CYB5A: variants seen among roughly 807,000 people sequenced by gnomAD.
The protein encoded by CYB5A is cytochrome b5 type A.
In CYB5A, 10 loss-of-function variants were observed where a neutral mutation model predicts 16.2. The ratio of observed to expected loss-of-function variants is 0.62; its 90% CI spans 0.38 to 1.04. The LOEUF (loss-of-function observed/expected upper bound fraction) is 1.04. CYB5A is among the 50% of genes least tolerant of loss of function. The pLI is 0.01. For missense variants in CYB5A, 161 were observed against 165.9 expected (o/e 0.97, Z 0.16); for synonymous variants, 62 against 57.0 (o/e 1.09, Z -0.40).
rs1350707930 is a variant in CYB5A at position 74,256,802 on chromosome 18, A to C, written c.289-1027T>G. On this transcript the variant is annotated intron_variant, in intron 3 of 4. Coordinates refer to ENST00000340533, the MANE Select transcript of CYB5A (RefSeq NM_148923.4). ...AGACAGACCCCTTTCAGGGAAAAGCAAGCAAAGCAGTTATGAGACCCACCA... is the reference window on the plus strand; with the variant it reads ...AGACAGACCCCTTTCAGGGAAAAGCCAGCAAAGCAGTTATGAGACCCACCA... 4.3e-6 allele frequency: 7 copies of C among 1,611,490 alleles called. No individual in the cohort carries two copies. In the South Asian group the frequency reaches 7.7e-5, roughly 18 times the overall value.
chr18:74,289,499 G>A (rs999520991), intron 1 of CYB5A, among the ~76,000 whole-genome samples: 1 of 152,226 alleles, frequency 6.6e-6, no homozygotes, highest in East Asian at 1.9e-4. Flanking sequence ...GGTAGGGCTG[G>A]GAGCAGTGGC....
Position 74,263,463 on chromosome 18 carries a change from T to A in CYB5A, c.144A>T (p.Glu48Asp), listed in dbSNP as rs139604129. The change falls in exon 2 of 5, where the codon GAA becomes GAT. Residue 48 changes from glutamate (E) to aspartate (D), a missense_variant. Glu to Asp is a conservative substitution (Grantham distance 45). Coordinates refer to ENST00000340533, the MANE Select transcript of CYB5A (RefSeq NM_148923.4). ...TKFLEEHPGG[E>D]EVLREQAGGD... ...CTCCAGCTTGTTCCCTTAAAACTTC[T>A]TCCCCACCAGGATGCTGTTCAAAGG... 45 of 1,614,038 alleles carry A rather than the reference T, an allele frequency of 2.8e-5. No individual in the cohort carries two copies. Among genetic ancestry groups the A allele is most frequent in the Middle Eastern group, 1.6e-4 (1 of 6,084 alleles).
intron 1 of CYB5A, among the ~76,000 whole-genome samples, chr18:74,287,600 A>G (rs947567360): frequency 6.6e-6 from 1 of 152,258 alleles, no homozygotes; most frequent in African/African-American, 2.4e-5. Context: ...CTCAGGTCCA[A>G]GACTATCAGA....
intron 4 of CYB5A, 124 bp from the exon 5 acceptor site, chr18:74,253,789 G>T: frequency 1.4e-6 from 1 of 711,414 alleles, no homozygotes; most frequent in Non-Finnish European, 2.6e-6. Context: ...GAATTTTGCT[G>T]AAAAGGCAAC....
intron 2 of CYB5A, among the ~76,000 whole-genome samples, chr18:74,262,111 A>G (rs1982226506): frequency 6.6e-6 from 1 of 152,180 alleles, no homozygotes; most frequent in South Asian, 2.1e-4. Context: ...GTCATTTACA[A>G]CTGCCACAGA....
Position 74,270,596 on chromosome 18 carries a change from G to GA in CYB5A, c.130-7120dup, listed in dbSNP as rs202111300. 7.4e-3 allele frequency among the ~76,000 whole-genome samples: 1,125 copies of GA among 151,718 alleles called. 13 individuals are homozygous for GA. The highest frequency in any genetic ancestry group is 0.025 in the African/African-American group (1,055 of 41,404). On this transcript the variant is annotated intron_variant, in intron 1 of 4. Transcript: ENST00000340533. ...CCAACCATGGATGGAAAATATCCAG[G>GA]AAAAAAAACTGCTTCTGTACTGAAC...
chr18:74,255,330 T>C (rs1365506178), intron 4 of CYB5A, among the ~76,000 whole-genome samples: 1 of 152,118 alleles, frequency 6.6e-6, no homozygotes, highest in Non-Finnish European at 1.5e-5. Flanking sequence ...TTAAAGCTAA[T>C]AAAAATGACA....
chr18:74,273,177 A>ACGAGGTC (rs1481984998), intron 1 of CYB5A, among the ~76,000 whole-genome samples: 1 of 152,176 alleles, frequency 6.6e-6, no homozygotes, highest in East Asian at 1.9e-4. Flanking sequence ...TCAAGGAAAG[A>ACGAGGTC]CGAGGTCATC....
At chr18:74,281,826 G>A (rs1466722423) in intron 1 of CYB5A, among the ~76,000 whole-genome samples, 1 of 144,486 alleles carries the variant, frequency 6.9e-6, no homozygotes, top group Non-Finnish European at 1.5e-5. Context: ...AGGAGGGTGT[G>A]TGTGTGTGTG....
intron 3 of CYB5A, chr18:74,260,388 A>T: frequency 4.5e-6 from 1 of 222,718 alleles, no homozygotes; most frequent in Non-Finnish European, 8.9e-6. Flanking sequence ...ATCAGAACAT[A>T]AAACTAGTAT....
intron 1 of CYB5A, among the ~76,000 whole-genome samples, chr18:74,280,196 GC>G: frequency 6.6e-6 from 1 of 152,268 alleles, no homozygotes; most frequent in Non-Finnish European, 1.5e-5. Flanking sequence ...ACCTTCCAGT[GC>G]AAAGAATTGA....
chr18:74,286,141 T>C (rs1983311980), intron 1 of CYB5A, among the ~76,000 whole-genome samples: 1 of 152,256 alleles, frequency 6.6e-6, no homozygotes, highest in Admixed American at 6.5e-5. Flanking sequence ...GGTGTTGTAG[T>C]AGTGAGTGTG....
At chr18:74,289,278 C>T (rs1983438571) in intron 1 of CYB5A, among the ~76,000 whole-genome samples, 1 of 152,114 alleles carries the variant, frequency 6.6e-6, no homozygotes, top group South Asian at 2.1e-4. Context: ...TTGCACAATC[C>T]CTCCTTTCCT....
intron 1 of CYB5A, among the ~76,000 whole-genome samples, chr18:74,274,700 G>C (rs1157596864): frequency 6.6e-6 from 1 of 152,088 alleles, no homozygotes; most frequent in Non-Finnish European, 1.5e-5. Flanking sequence ...CTATATTTTT[G>C]GAATTGTCTT....
chr18:74,264,568 C>T (rs1017467131), intron 1 of CYB5A, among the ~76,000 whole-genome samples: 1 of 152,154 alleles, frequency 6.6e-6, no homozygotes, highest in Non-Finnish European at 1.5e-5. Context: ...ATAGATGAGT[C>T]CCTGCCTTTG....
chr18:74,284,807 T>C (rs1009881878), intron 1 of CYB5A, among the ~76,000 whole-genome samples: 9 of 152,210 alleles, frequency 5.9e-5, no homozygotes, highest in Non-Finnish European at 1.3e-4. Context: ...TGCCATCATT[T>C]TGGCATGGGC....
chr18:74,278,736 C>T (rs1245759779), intron 1 of CYB5A, among the ~76,000 whole-genome samples: 2 of 152,210 alleles, frequency 1.3e-5, no homozygotes, highest in Non-Finnish European at 2.9e-5. Context: ...TGGCAATCAT[C>T]CTGCAGAATG....
intron 1 of CYB5A, among the ~76,000 whole-genome samples, chr18:74,275,695 T>A (rs1238267047): frequency 1.3e-5 from 2 of 152,160 alleles, no homozygotes; most frequent in African/African-American, 4.8e-5. Context: ...GGGTTTGACA[T>A]GCAGCAAGCA....
chr18:74,254,523 CTTTT>C (rs140770769), intron 4 of CYB5A, among the ~76,000 whole-genome samples: 1 of 144,122 alleles, frequency 6.9e-6, no homozygotes, highest in Admixed American at 6.9e-5. Context: ...CTATTTGAAT[CTTTT>C]TTTTTTTTTT....
Sources: gnomAD v4.1 joint callset for allele counts (sites outside exome capture counted in the v4.1 genomes callset) on GRCh38, gnomAD v4.1.1 for gene constraint, MANE v1.5 for transcripts, NCBI Gene and HGNC (gene_info 2026-07-23, HGNC 2026-07-21) for gene names.